Variants in PCDH9 observed in about 807,000 individuals in gnomAD.
PCDH9 encodes protocadherin 9, also known as protocadherin-9.
A neutral mutation model predicts 70.6 loss-of-function variants in PCDH9; 24 were observed. That is an observed-to-expected ratio of 0.34 (90% CI 0.25 to 0.48). The LOEUF (loss-of-function observed/expected upper bound fraction) is 0.48, where lower values mean the gene tolerates loss of function less well. Ranked by LOEUF, PCDH9 falls within the 20% of genes least tolerant of loss-of-function variation. PCDH9 has a pLI of 0.99. For synonymous variants in PCDH9, 562 were observed against 558.5 expected, an observed-to-expected ratio of 1.01 and a Z score of -0.09; for missense variants, 1,281 against 1,503.6, an observed-to-expected ratio of 0.85 and a Z score of 2.45.
intron 3 of PCDH9, among the ~76,000 whole-genome samples, chr13:66,683,828 C>T (rs527336693): frequency 1.4e-5 from 2 of 147,242 alleles, no homozygotes; most frequent in South Asian, 4.5e-4. Context: ...TCACACATAC[C>T]CAAATTGTAG....
At chr13:66,547,027 T>G (rs1961238571) in intron 4 of PCDH9, among the ~76,000 whole-genome samples, 1 of 152,208 alleles carries the variant, frequency 6.6e-6, no homozygotes, top group Admixed American at 6.5e-5. Flanking sequence ...TAAGATCACC[T>G]AAGGACACAT....
intron 2 of PCDH9, among the ~76,000 whole-genome samples, chr13:67,070,489 C>T (rs1331151245): frequency 6.6e-6 from 1 of 152,154 alleles, no homozygotes; most frequent in Non-Finnish European, 1.5e-5. Flanking sequence ...GCCTTTATTA[C>T]TTTTAAACTT....
intron 3 of PCDH9, among the ~76,000 whole-genome samples, chr13:66,687,082 GGAGTATTAT>G (rs2078414331): frequency 6.6e-6 from 1 of 152,234 alleles, no homozygotes; most frequent in South Asian, 2.1e-4. Context: ...TCATAAAACA[GGAGTATTAT>G]GAGATGAGGG....
At chr13:66,845,060 G>C (rs1036333983) in intron 3 of PCDH9, among the ~76,000 whole-genome samples, 1 of 152,074 alleles carries the variant, frequency 6.6e-6, no homozygotes, top group Non-Finnish European at 1.5e-5. Flanking sequence ...GGGTGGGCCT[G>C]AAAAAAGAGC....
At chr13:66,746,653 TAC>T (rs2079369002) in intron 3 of PCDH9, among the ~76,000 whole-genome samples, 2 of 152,214 alleles carry the variant, frequency 1.3e-5, no homozygotes, top group Non-Finnish European at 2.9e-5. Flanking sequence ...AAAACAGATT[TAC>T]AGTCTTTTTC....
At chr13:66,612,360 A>G (rs551439205) in intron 4 of PCDH9, among the ~76,000 whole-genome samples, 15 of 152,302 alleles carry the variant, frequency 9.8e-5, no homozygotes, top group South Asian at 2.1e-4. Context: ...TGAAAGACCA[A>G]TGGTGATCAA....
intron 2 of PCDH9, among the ~76,000 whole-genome samples, chr13:67,072,602 A>G (rs2085789307): frequency 6.6e-6 from 1 of 152,080 alleles, no homozygotes; most frequent in Non-Finnish European, 1.5e-5. Context: ...TGAGAAAGAG[A>G]TATTGCATTT....
chr13:66,445,688 T>C (rs946455966), intron 4 of PCDH9, among the ~76,000 whole-genome samples: 58 of 137,872 alleles, frequency 4.2e-4, no homozygotes, highest in African/African-American at 6.6e-4. Context: ...ATATATAATA[T>C]ATACACATAT....
At chr13:67,185,778 G>A (rs2088739239) in intron 2 of PCDH9, among the ~76,000 whole-genome samples, 1 of 152,150 alleles carries the variant, frequency 6.6e-6, no homozygotes, top group South Asian at 2.1e-4. Context: ...TGTTGCCCAG[G>A]CTGGAGTGCA....
intron 3 of PCDH9, among the ~76,000 whole-genome samples, chr13:66,696,013 A>G (rs930075795): frequency 1.3e-5 from 2 of 152,162 alleles, no homozygotes; most frequent in Non-Finnish European, 2.9e-5. Context: ...ATGGTGAAGA[A>G]TCACAAAAAT....
At chr13:66,856,341 A>G (rs1249669369) in intron 3 of PCDH9, among the ~76,000 whole-genome samples, 1 of 152,058 alleles carries the variant, frequency 6.6e-6, no homozygotes, top group Non-Finnish European at 1.5e-5. Context: ...TATGAAAGCA[A>G]TGGGAGTTCA....
At chr13:67,132,905 A>G (rs1442671217) in intron 2 of PCDH9, among the ~76,000 whole-genome samples, 1 of 152,100 alleles carries the variant, frequency 6.6e-6, no homozygotes, top group Non-Finnish European at 1.5e-5. Context: ...TATATCCAGA[A>G]AGCCTATCCT....
chr13:66,780,663 G>T (rs1292845771), intron 3 of PCDH9, among the ~76,000 whole-genome samples: 1 of 151,908 alleles, frequency 6.6e-6, no homozygotes, highest in Non-Finnish European at 1.5e-5. Context: ...AATTCCCCGT[G>T]ATACTTATGA....
chr13:67,136,815 A>G (rs1196915550), intron 2 of PCDH9, among the ~76,000 whole-genome samples: 1 of 152,116 alleles, frequency 6.6e-6, no homozygotes, highest in Non-Finnish European at 1.5e-5. Flanking sequence ...AGTCTGAATC[A>G]ATCACTTGGA....
chr13:66,623,535 C>T (rs1019415359), intron 4 of PCDH9, among the ~76,000 whole-genome samples: 1 of 152,152 alleles, frequency 6.6e-6, no homozygotes. Flanking sequence ...AACTCCAAGG[C>T]TCAGGCAATC....
intron 3 of PCDH9, among the ~76,000 whole-genome samples, chr13:66,666,320 C>T (rs969706800): frequency 2.6e-5 from 4 of 152,124 alleles, no homozygotes; most frequent in Admixed American, 6.5e-5. Context: ...TCCTGGTGCC[C>T]GGGCCAGATG....
chr13:66,547,270 G>A (rs1961249343), intron 4 of PCDH9, among the ~76,000 whole-genome samples: 1 of 152,128 alleles, frequency 6.6e-6, no homozygotes, highest in Admixed American at 6.5e-5. Context: ...GAGTGCCTTA[G>A]GCACATTTAT....
chr13:67,179,866 T>A (rs1336775021), intron 2 of PCDH9, among the ~76,000 whole-genome samples: 1 of 152,096 alleles, frequency 6.6e-6, no homozygotes, highest in East Asian at 1.9e-4. Flanking sequence ...AGGTTAAGGG[T>A]AAGGGAAAAG....
chr13:66,329,945 G>C (rs1955912003), intron 4 of PCDH9, among the ~76,000 whole-genome samples: 1 of 152,072 alleles, frequency 6.6e-6, no homozygotes, highest in Admixed American at 6.6e-5. Flanking sequence ...CTTTGCAATA[G>C]CTACAATAAA....
Sources: gnomAD v4.1 joint callset for allele counts (sites outside exome capture counted in the v4.1 genomes callset) on GRCh38, gnomAD v4.1.1 for gene constraint, MANE v1.5 for transcripts, NCBI Gene and HGNC (gene_info 2026-07-23, HGNC 2026-07-21) for gene names.